The following ARHGAP15 variants were observed in gnomAD, a reference collection of about 807,000 sequenced individuals.
The protein encoded by ARHGAP15 is Rho GTPase activating protein 15, also known as rho GTPase-activating protein 15.
A neutral mutation model predicts 63.7 loss-of-function variants in ARHGAP15; 51 were observed. That is an observed-to-expected ratio of 0.80 (90% CI 0.64 to 1.01). The LOEUF (loss-of-function observed/expected upper bound fraction) is 1.01, where lower values mean the gene tolerates loss of function less well. Ranked by LOEUF, ARHGAP15 falls within the 50% of genes least tolerant of loss-of-function variation. The probability of loss-of-function intolerance (pLI) is 0.00; values close to 1 mark genes in which losing one functional copy is unlikely to be tolerated. For synonymous variants in ARHGAP15, 191 were observed against 193.8 expected (o/e 0.99, Z 0.12); for missense variants, 560 against 564.6 (o/e 0.99, Z 0.08).
chr2:143,432,935 C>T (rs528630818), intron 6 of ARHGAP15, among the ~76,000 whole-genome samples: 6 of 152,132 alleles, frequency 3.9e-5, no homozygotes, highest in African/African-American at 1.4e-4. Context: ...CCTTCATCCC[C>T]TTACCCCAGC....
chr2:143,631,673 T>C (rs1384600314), intron 12 of ARHGAP15, among the ~76,000 whole-genome samples: 1 of 152,128 alleles, frequency 6.6e-6, no homozygotes, highest in Non-Finnish European at 1.5e-5. Context: ...CTATTGAGTT[T>C]CAAGAGTTCC....
At chr2:143,752,370 C>G (rs1001815606) in intron 13 of ARHGAP15, among the ~76,000 whole-genome samples, 1 of 152,216 alleles carries the variant, frequency 6.6e-6, no homozygotes, top group Non-Finnish European at 1.5e-5. Flanking sequence ...CACAACCTCC[C>G]ACTATTATTT....
At chr2:143,307,198 C>T (rs1034517288) in intron 6 of ARHGAP15, among the ~76,000 whole-genome samples, 10 of 152,090 alleles carry the variant, frequency 6.6e-5, no homozygotes, top group Non-Finnish European at 7.4e-5. Flanking sequence ...TCTTGATGAG[C>T]TCAGCCCTCC....
intron 6 of ARHGAP15, among the ~76,000 whole-genome samples, chr2:143,271,776 G>A (rs992533521): frequency 6.6e-6 from 1 of 152,074 alleles, no homozygotes; most frequent in Non-Finnish European, 1.5e-5. Flanking sequence ...GTGCCCGGCC[G>A]TTTCTTACAG....
chr2:143,500,835 C>T (rs890609584), intron 9 of ARHGAP15, among the ~76,000 whole-genome samples: 2 of 152,098 alleles, frequency 1.3e-5, no homozygotes, highest in African/African-American at 4.8e-5. Flanking sequence ...ATATGTAGAG[C>T]AAAAGAGAGA....
rs2105057462 is a variant in ARHGAP15, at chr2:143,544,301, C to CATTCA, written c.926-12105_926-12101dup. Among the ~76,000 whole-genome samples, 3 of 152,230 alleles carry CATTCA rather than the reference C, an allele frequency of 2.0e-5. No individual in the cohort carries two copies. The South Asian group carries it at 6.2e-4, about 32-fold the overall frequency. ...GCTAAATTAGAGATACAAAATACAG[C>CATTCA]ATTCAAGGATACAGAATAGATTTAT... On this transcript the variant is annotated intron_variant, in intron 10 of 13. Transcript: ENST00000295095.
intron 6 of ARHGAP15, among the ~76,000 whole-genome samples, chr2:143,270,550 T>C (rs964888545): frequency 6.6e-6 from 1 of 152,242 alleles, no homozygotes; most frequent in African/African-American, 2.4e-5. Context: ...TTCAATATCA[T>C]TTGGTAATTA....
chr2:143,253,236 A>G (rs1680250540), intron 6 of ARHGAP15, among the ~76,000 whole-genome samples: 1 of 124,386 alleles, frequency 8.0e-6, no homozygotes, highest in Non-Finnish European at 1.8e-5. Context: ...TAGCAATTGT[A>G]TGCCATGTAA....
intron 8 of ARHGAP15, among the ~76,000 whole-genome samples, chr2:143,467,380 T>C (rs1362038072): frequency 6.6e-6 from 1 of 151,356 alleles, no homozygotes; most frequent in East Asian, 1.9e-4. Context: ...TGAGTAAAGA[T>C]GAACATTTTA....
intron 12 of ARHGAP15, among the ~76,000 whole-genome samples, chr2:143,695,797 G>A (rs1683817961): frequency 6.6e-6 from 1 of 151,900 alleles, no homozygotes. Flanking sequence ...GAACCTGGGA[G>A]GCTGCAGTGA....
chr2:143,401,852 T>C (rs180905753), intron 6 of ARHGAP15, among the ~76,000 whole-genome samples: 8 of 152,174 alleles, frequency 5.3e-5, no homozygotes, highest in Non-Finnish European at 5.9e-5. Context: ...CTAAACTTTT[T>C]AGAACGAGCA....
intron 6 of ARHGAP15, among the ~76,000 whole-genome samples, chr2:143,407,611 G>T (rs1159925478): frequency 6.6e-6 from 1 of 151,748 alleles, no homozygotes; most frequent in Non-Finnish European, 1.5e-5. Context: ...AATGTGACAG[G>T]AGAGTAGGAC....
intron 9 of ARHGAP15, among the ~76,000 whole-genome samples, chr2:143,492,897 A>G (rs1354496930): frequency 7.3e-6 from 1 of 137,688 alleles, no homozygotes; most frequent in East Asian, 4.1e-4. Context: ...TCTTCTAAAA[A>G]ATACAAAAAA....
chr2:143,276,644 ATCT>A (rs958996134), intron 6 of ARHGAP15, among the ~76,000 whole-genome samples: 3 of 152,088 alleles, frequency 2.0e-5, no homozygotes, highest in African/African-American at 4.8e-5. Context: ...ACTTTTTAAA[ATCT>A]TCTGGCCAGG....
chr2:143,207,017 A>G (rs1416298609), intron 3 of ARHGAP15, among the ~76,000 whole-genome samples: 1 of 151,486 alleles, frequency 6.6e-6, no homozygotes, highest in East Asian at 1.9e-4. Context: ...ATAAAAAATT[A>G]TAATATATAT....
At chr2:143,445,939 T>G (rs1690117120) in intron 8 of ARHGAP15, among the ~76,000 whole-genome samples, 1 of 152,006 alleles carries the variant, frequency 6.6e-6, no homozygotes, top group Non-Finnish European at 1.5e-5. Flanking sequence ...AGTGTCAGCT[T>G]ATTTGTAAAA....
chr2:143,707,789 T>A (rs1684398342), intron 13 of ARHGAP15, among the ~76,000 whole-genome samples: 1 of 152,238 alleles, frequency 6.6e-6, no homozygotes. Flanking sequence ...TTCATGGTTT[T>A]TATTTTCTTT....
rs568654719 is a variant in ARHGAP15, at chr2:143,344,792, A to C, written c.475-90809A>C. ...CCAGCAAGATCCCTTCTGTGACAGC[A>C]CTTACACTTCAGTAAAAAGAGGAGA... On this transcript the variant is annotated intron_variant, in intron 6 of 13. Coordinates refer to ENST00000295095, the MANE Select transcript of ARHGAP15 (RefSeq NM_018460.4). 3.3e-5 allele frequency among the ~76,000 whole-genome samples: 5 copies of C among 152,254 alleles called. No homozygotes were observed. In the South Asian group the frequency reaches 1.0e-3, roughly 32 times the overall value.
At chr2:143,135,322 C>A (rs956009430) in intron 1 of ARHGAP15, among the ~76,000 whole-genome samples, 1 of 152,100 alleles carries the variant, frequency 6.6e-6, no homozygotes, top group African/African-American at 2.4e-5. Flanking sequence ...CAGTAACACA[C>A]AATACAATTG....
Sources: gnomAD v4.1 joint callset for allele counts (sites outside exome capture counted in the v4.1 genomes callset) on GRCh38, gnomAD v4.1.1 for gene constraint, MANE v1.5 for transcripts, NCBI Gene and HGNC (gene_info 2026-07-23, HGNC 2026-07-21) for gene names.